AIRIM: variants seen among roughly 807,000 people sequenced by gnomAD.
The protein encoded by AIRIM is AFG2-interacting ribosome maturation factor.
the AIRIM span, chr1:37,684,248 G>A: frequency 6.6e-6 from 1 of 152,308 alleles, no homozygotes; most frequent in Non-Finnish European, 1.5e-5. Context: ...AAACATTCTA[G>A]CACATAGCAA....
the AIRIM span, chr1:37,689,816 T>C: frequency 4.7e-4 from 752 of 1,608,850 alleles, 5 homozygotes; most frequent in African/African-American, 1.4e-3. Context: ...CTGCTGCTCC[T>C]CCACCACGGG....
the AIRIM span, chr1:37,690,494 G>A: frequency 2.0e-3 from 2,375 of 1,211,834 alleles, 40 homozygotes; most frequent in African/African-American, 0.034. Flanking sequence ...GAACCCTCCA[G>A]GGACTGCACC....
the AIRIM span, chr1:37,689,466 G>C: frequency 1.0e-6 from 1 of 997,198 alleles, no homozygotes; most frequent in Non-Finnish European, 1.4e-6. Flanking sequence ...CACTGCCCCA[G>C]ATGAAGTAAG....
chr1:37,690,469 A>ACAGC, the AIRIM span: 41 of 1,258,030 alleles, frequency 3.3e-5, no homozygotes, highest in Non-Finnish European at 4.1e-5. Context: ...AAAAGTCCAG[A>ACAGC]CAGCCAAAGC....
chr1:37,690,371 C>A, the AIRIM span: 8 of 1,289,828 alleles, frequency 6.2e-6, no homozygotes, highest in Non-Finnish European at 8.1e-6. Context: ...GGATTCCTGG[C>A]GTCCAAGCGC....
chr1:37,689,989 G>A, the AIRIM span: 4 of 1,445,260 alleles, frequency 2.8e-6, no homozygotes, highest in Non-Finnish European at 3.6e-6. Context: ...TGTTCAGACA[G>A]GAGTTGTCTC....
chr1:37,682,862 T>C, the AIRIM span: 1,012 of 439,068 alleles, frequency 2.3e-3, 14 homozygotes, highest in African/African-American at 0.019. Flanking sequence ...TTTCCTGTTG[T>C]CTCTCTAGCT....
At chr1:37,683,893 T>C in the AIRIM span, 1 of 162,274 alleles carries the variant, frequency 6.2e-6, no homozygotes, top group Non-Finnish European at 1.3e-5. Flanking sequence ...TGGAGAGCAG[T>C]CAGAAAGGCT....
At chr1:37,690,965 G>A in the AIRIM span, 2 of 152,420 alleles carry the variant, frequency 1.3e-5, no homozygotes, top group East Asian at 1.9e-4. Context: ...CCCTGAAACC[G>A]AGAGGCTGGA....
the AIRIM span, chr1:37,689,392 C>G: frequency 3.7e-6 from 2 of 534,186 alleles, no homozygotes; most frequent in South Asian, 5.7e-5. Context: ...CTACTAAGCC[C>G]ACCACTGCCA....
chr1:37,685,299 T>A, the AIRIM span, among the ~76,000 whole-genome samples: 1 of 148,846 alleles, frequency 6.7e-6, no homozygotes, highest in East Asian at 2.0e-4. Context: ...AGCCTTGACC[T>A]CCCACGCTCA....
At chr1:37,690,336 G>A in the AIRIM span, 328 of 1,290,204 alleles carry the variant, frequency 2.5e-4, no homozygotes, top group Admixed American at 4.8e-4. Flanking sequence ...AGGGTAACCT[G>A]GATAGGGCAG....
the AIRIM span, chr1:37,683,262 G>A: frequency 6.2e-6 from 10 of 1,612,214 alleles, no homozygotes; most frequent in South Asian, 1.1e-5. Flanking sequence ...CCAAAGAGGC[G>A]AGCCACAGGG....
the AIRIM span, chr1:37,683,047 T>C: frequency 6.8e-7 from 1 of 1,461,074 alleles, no homozygotes; most frequent in Non-Finnish European, 9.6e-7. Flanking sequence ...ATACTGACGT[T>C]TCTTTAGAAA....
the AIRIM span, among the ~76,000 whole-genome samples, chr1:37,687,877 CTTTT>C: frequency 1.3e-5 from 2 of 151,548 alleles, no homozygotes; most frequent in Admixed American, 6.6e-5. Context: ...CTGGCCTCAT[CTTTT>C]TTTTGTTTTG....
At chr1:37,684,446 G>A in the AIRIM span, among the ~76,000 whole-genome samples, 3 of 152,024 alleles carry the variant, frequency 2.0e-5, no homozygotes, top group Admixed American at 6.6e-5. Context: ...TGGTGAAACC[G>A]CCTCTCTACT....
the AIRIM span, chr1:37,689,781 C>G: frequency 6.2e-7 from 1 of 1,613,270 alleles, no homozygotes; most frequent in Non-Finnish European, 8.5e-7. Context: ...GGCTGGCAGT[C>G]CCGCAGGGCA....
At chr1:37,691,027 G>A in the AIRIM span, 1 of 152,316 alleles carries the variant, frequency 6.6e-6, no homozygotes, top group South Asian at 2.0e-4. Flanking sequence ...CCTACATGAG[G>A]TACGGGTTGT....
the AIRIM span, among the ~76,000 whole-genome samples, chr1:37,691,734 G>T: frequency 6.6e-6 from 1 of 152,238 alleles, no homozygotes; most frequent in African/African-American, 2.4e-5. Flanking sequence ...CCTGGTGGCC[G>T]CGGCTCATGC....
Sources: allele counts gnomAD v4.1 joint callset (sites outside exome capture counted in the v4.1 genomes callset), GRCh38; gene constraint gnomAD v4.1.1; transcripts MANE v1.5; gene names NCBI Gene and HGNC (gene_info 2026-07-23, HGNC 2026-07-21).